AIMP1: variants seen among roughly 807,000 people sequenced by gnomAD.
AIMP1 encodes aminoacyl tRNA synthetase complex interacting multifunctional protein 1.
In AIMP1, 24 loss-of-function variants were observed where a neutral mutation model predicts 33.1. The ratio of observed to expected loss-of-function variants is 0.73; its 90% CI spans 0.53 to 1.02. The LOEUF is 1.02. Among genes scored for constraint, AIMP1 ranks in the 50% least tolerant of loss-of-function variants. The pLI is 0.00. For missense variants in AIMP1, 367 were observed against 364.8 expected (o/e 1.01, Z -0.05); for synonymous variants, 120 against 121.5 (o/e 0.99, Z 0.08).
At position 106,349,070 on chromosome 4, in the gene AIMP1, A is replaced by G. The variant is rs954713897; in HGVS notation, c.*1378A>G. On this transcript the variant is annotated 3_prime_UTR_variant, in exon 7 of 7. Coordinates refer to ENST00000672341, the MANE Select transcript of AIMP1 (RefSeq NM_001142416.2). ...TAAATCCATGGAACTCTGGTAGGCC[A>G]GGATATATTATAGTACCATTATCAA... 2 of 152,140 alleles carry G rather than the reference A, an allele frequency of 1.3e-5. No individual in the cohort carries two copies. Among genetic ancestry groups the G allele is most frequent in the Admixed American group, 1.3e-4 (2 of 15,258 alleles). 9.4% of individuals were successfully genotyped at this position (152,140 alleles called of 1,614,324 possible).
chr4:106,331,696 A>T lies in AIMP1; in HGVS notation c.416A>T (p.Gln139Leu). Residue 139 changes from glutamine (Q) to leucine (L), a missense_variant, in exon 5 of 7, where the codon CAA (glutamine) becomes CTA (leucine). Gln to Leu is a moderately radical substitution (Grantham distance 113). Coordinates refer to ENST00000672341, the MANE Select transcript of AIMP1 (RefSeq NM_001142416.2). Reference sequence around the variant, plus strand: ...GGAGAGAAGAAGGAGAAAAAACAGCAATCAATAGCTGGAAGTGCCGACTCT... The same window carrying T: ...GGAGAGAAGAAGGAGAAAAAACAGCTATCAATAGCTGGAAGTGCCGACTCT... Reference protein sequence around the residue: ...KKGEKKEKKQQSIAGSADSKP... With the variant: ...KKGEKKEKKQLSIAGSADSKP... 6.2e-7 allele frequency: 1 copy of T among 1,614,106 alleles called. No homozygotes were observed. The highest frequency in any genetic ancestry group is 8.5e-7 in the Non-Finnish European group (1 of 1,179,966).
chr4:106,345,032 A>C (rs1770243760), intron 6 of AIMP1, among the ~76,000 whole-genome samples: 1 of 152,206 alleles, frequency 6.6e-6, no homozygotes, highest in Admixed American at 6.5e-5. Context: ...TAAACAAGTT[A>C]ATATATGTAC....
intron 6 of AIMP1, among the ~76,000 whole-genome samples, chr4:106,345,523 T>C (rs1288058971): frequency 1.3e-5 from 2 of 152,158 alleles, no homozygotes; most frequent in African/African-American, 2.4e-5. Context: ...TTTTTTCCAT[T>C]CTATTTATTA....
At position 106,325,091 on chromosome 4, in the gene AIMP1, C is replaced by T. The variant is rs2125920882; in HGVS notation, c.82C>T (p.Gln28Ter). Residue 28 changes from glutamine to a stop codon, truncating the protein, a stop_gained, in exon 2 of 7, where the codon CAA becomes TAA. Coordinates refer to ENST00000672341, the MANE Select transcript of AIMP1 (RefSeq NM_001142416.2). LOFTEE classifies it high-confidence loss of function. ...ADQIIEYLKQQVSLLKEKAIL... is the reference protein window; with the variant it reads ...ADQIIEYLKQ The stretch of plus-strand genomic sequence containing the variant: ...TCAAATCATTGAATATCTTAAGCAG[C>T]AAGTTTCTCTACTTAAGGAGAAAGC... 1 of 1,612,424 alleles carries T rather than the reference C, an allele frequency of 6.2e-7. No individual in the cohort carries two copies. The highest frequency in any genetic ancestry group is 1.1e-5 in the South Asian group (1 of 90,830).
chr4:106,332,376 C>T (rs559091625), intron 5 of AIMP1, among the ~76,000 whole-genome samples: 1 of 151,514 alleles, frequency 6.6e-6, no homozygotes, highest in East Asian at 1.9e-4. Context: ...TAGATTGGTG[C>T]TTTCTGGGTT....
chr4:106,327,008 C>A (rs1201771759), intron 2 of AIMP1, among the ~76,000 whole-genome samples: 1 of 152,128 alleles, frequency 6.6e-6, no homozygotes, highest in Non-Finnish European at 1.5e-5. Flanking sequence ...AACTCCTGGG[C>A]TCAAGTGATC....
chr4:106,331,137 T>C (rs1488195527), intron 4 of AIMP1, among the ~76,000 whole-genome samples: 1 of 152,216 alleles, frequency 6.6e-6, no homozygotes, highest in African/African-American at 2.4e-5. Context: ...ATGAGTGAAA[T>C]TGCATTCTGC....
intron 1 of AIMP1, among the ~76,000 whole-genome samples, chr4:106,317,235 G>T (rs909380237): frequency 6.6e-6 from 1 of 152,196 alleles, no homozygotes; most frequent in African/African-American, 2.4e-5. Context: ...GGAAAGTGCA[G>T]TCAGACAGAG....
At chr4:106,324,931 A>T in intron 1 of AIMP1, 54 bp from the exon 2 acceptor site, 1 of 1,427,152 alleles carries the variant, frequency 7.0e-7, no homozygotes, top group Non-Finnish European at 9.4e-7. Context: ...AGTGGCCTAT[A>T]GTATAAATTT....
At chr4:106,338,653 C>G (rs1315403708) in intron 6 of AIMP1, among the ~76,000 whole-genome samples, 1 of 152,210 alleles carries the variant, frequency 6.6e-6, no homozygotes, top group Non-Finnish European at 1.5e-5. Flanking sequence ...TCTACTAAGA[C>G]AGTGCAGAAA....
chr4:106,328,897 G>A (rs1769557808), intron 4 of AIMP1, among the ~76,000 whole-genome samples: 1 of 152,044 alleles, frequency 6.6e-6, no homozygotes, highest in Non-Finnish European at 1.5e-5. Context: ...TAATATTAAA[G>A]CCTCATCTTT....
chr4:106,345,345 C>A (rs372209760), intron 6 of AIMP1, among the ~76,000 whole-genome samples: 1 of 152,176 alleles, frequency 6.6e-6, no homozygotes. Flanking sequence ...GCTTAGGTCT[C>A]CCTGAACAGT....
chr4:106,316,432 G>C, upstream of AIMP1: 1 of 1,053,774 alleles, frequency 9.5e-7, no homozygotes, highest in African/African-American at 1.6e-5. Context: ...ATGGGACTGA[G>C]CACAGGAAGA....
intron 6 of AIMP1, among the ~76,000 whole-genome samples, chr4:106,339,654 C>T (rs960109783): frequency 1.3e-5 from 2 of 152,114 alleles, no homozygotes; most frequent in Non-Finnish European, 2.9e-5. Context: ...AGATTTTGTC[C>T]TAACTAAAGC....
chr4:106,315,632 C>A (rs888391491), upstream of AIMP1: 3 of 152,162 alleles, frequency 2.0e-5, no homozygotes, highest in African/African-American at 7.2e-5. Context: ...AATTCTGCCT[C>A]CAAGGTGAGT....
At chr4:106,334,478 T>C (rs1051083247) in intron 5 of AIMP1, among the ~76,000 whole-genome samples, 1 of 152,064 alleles carries the variant, frequency 6.6e-6, no homozygotes, top group Non-Finnish European at 1.5e-5. Flanking sequence ...TGGGCCAGGC[T>C]GGTCTCAAAC....
chr4:106,326,208 T>C (rs1769448776), intron 2 of AIMP1, among the ~76,000 whole-genome samples: 1 of 152,176 alleles, frequency 6.6e-6, no homozygotes, highest in Non-Finnish European at 1.5e-5. Context: ...ATTTAGGGTA[T>C]AATAAGCATG....
chr4:106,337,104 TAAAGGTTA>T, intron 6 of AIMP1, 67 bp downstream of exon 6: 1 of 1,389,312 alleles, frequency 7.2e-7, no homozygotes, highest in East Asian at 2.3e-5. Context: ...TTGTAATGCT[TAAAGGTTA>T]AAATCAGTCC....
chr4:106,340,740 G>T (rs1366940690), intron 6 of AIMP1, among the ~76,000 whole-genome samples: 1 of 152,144 alleles, frequency 6.6e-6, no homozygotes, highest in Non-Finnish European at 1.5e-5. Flanking sequence ...GAATAGTGCT[G>T]CAGTGAACTT....
Sources: allele counts gnomAD v4.1 joint callset (sites outside exome capture counted in the v4.1 genomes callset), GRCh38; gene constraint gnomAD v4.1.1; transcripts MANE v1.5; gene names NCBI Gene and HGNC (gene_info 2026-07-23, HGNC 2026-07-21).